The following MAST4 variants were observed in gnomAD, a reference collection of about 807,000 sequenced individuals.
The protein encoded by MAST4 is microtubule associated serine/threonine kinase family member 4, also known as microtubule-associated serine/threonine-protein kinase 4.
MAST4 carries 89 observed loss-of-function variants against 162.7 expected under a neutral mutation model. The observed-to-expected ratio is 0.55, with a 90% CI of 0.46 to 0.65. MAST4 has a LOEUF of 0.65. Among genes scored for constraint, MAST4 ranks in the 30% least tolerant of loss-of-function variants. The probability of loss-of-function intolerance (pLI) is 0.00; values close to 1 mark genes in which losing one functional copy is unlikely to be tolerated. For missense variants in MAST4, 3,153 were observed against 3,374.0 expected, an observed-to-expected ratio of 0.93 and a Z score of 1.62; for synonymous variants, 1,479 against 1,361.1, an observed-to-expected ratio of 1.09 and a Z score of -1.91.
chr5:66,670,335 C>T (rs1747529058), intron 1 of MAST4, among the ~76,000 whole-genome samples: 1 of 152,044 alleles, frequency 6.6e-6, no homozygotes, highest in Non-Finnish European at 1.5e-5. Flanking sequence ...TTTTAAGAAA[C>T]ATATAATTAA....
intron 1 of MAST4, among the ~76,000 whole-genome samples, chr5:66,713,444 T>C (rs1164111498): frequency 6.6e-6 from 1 of 152,214 alleles, no homozygotes; most frequent in Non-Finnish European, 1.5e-5. Flanking sequence ...GAGCATGAGC[T>C]CTATAATTAC....
At chr5:66,851,942 T>C (rs1006418938) in intron 3 of MAST4, among the ~76,000 whole-genome samples, 4 of 152,226 alleles carry the variant, frequency 2.6e-5, no homozygotes, top group Admixed American at 1.3e-4. Context: ...CTGGCGAGGT[T>C]ATCTGACATT....
chr5:66,838,178 G>A (rs1758162622), intron 3 of MAST4, among the ~76,000 whole-genome samples: 1 of 151,840 alleles, frequency 6.6e-6, no homozygotes, highest in Non-Finnish European at 1.5e-5. Flanking sequence ...CACCTCCAGG[G>A]CATGATGAGA....
At chr5:67,020,311 G>T (rs1753813373) in intron 4 of MAST4, among the ~76,000 whole-genome samples, 1 of 152,182 alleles carries the variant, frequency 6.6e-6, no homozygotes, top group Non-Finnish European at 1.5e-5. Context: ...TGTCAATGAG[G>T]TTGTTTTACA....
chr5:67,054,562 A>G lies in MAST4; in HGVS notation c.763+70A>G, dbSNP rs1040957474. ...GTTGGTTTTTTAAAATAATTAATGC[A>G]TTTTGATATTTGGTATGTCTTCACA... On this transcript the variant is annotated intron_variant, in intron 5 of 28. Coordinates refer to ENST00000403625, the MANE Select transcript of MAST4 (RefSeq NM_001164664.2). The G allele has an allele frequency of 6.7e-6, 9 of 1,334,592 alleles. No homozygotes were observed. The Admixed American group carries it at 1.9e-4, about 28-fold the overall frequency. The allele number at this position is 1,334,592 out of a possible 1,614,324, so 82.7% of individuals were successfully genotyped here.
chr5:66,868,392 C>G (rs1216619817), intron 3 of MAST4, among the ~76,000 whole-genome samples: 2 of 150,702 alleles, frequency 1.3e-5, no homozygotes, highest in Non-Finnish European at 2.9e-5. Flanking sequence ...TGTCACCAAA[C>G]TAACATATAT....
At chr5:66,899,136 T>C (rs1762856710) in intron 3 of MAST4, among the ~76,000 whole-genome samples, 1 of 152,250 alleles carries the variant, frequency 6.6e-6, no homozygotes, top group African/African-American at 2.4e-5. Flanking sequence ...CTTTAATAAT[T>C]GACAGCAAGT....
chr5:66,842,819 C>A (rs1030152789), intron 3 of MAST4, among the ~76,000 whole-genome samples: 3 of 152,076 alleles, frequency 2.0e-5, no homozygotes, highest in African/African-American at 7.2e-5. Flanking sequence ...ACATTCAGTT[C>A]TTTGTTTTTT....
chr5:66,666,338 T>C (rs1296809064), intron 1 of MAST4, among the ~76,000 whole-genome samples: 2 of 152,246 alleles, frequency 1.3e-5, no homozygotes, highest in South Asian at 2.1e-4. Context: ...TCCAGTCAGC[T>C]AGAAGTGTAC....
chr5:67,106,604 G>T (rs576455985), intron 10 of MAST4, among the ~76,000 whole-genome samples: 2 of 152,026 alleles, frequency 1.3e-5, no homozygotes, highest in Non-Finnish European at 2.9e-5. Context: ...TCACCTATCT[G>T]CCTCCCTCCA....
rs1156873191 is a variant in MAST4 at position 66,958,984 on chromosome 5, A to T, written c.674+59002A>T. 11 of 419,716 alleles carry T rather than the reference A, an allele frequency of 2.6e-5. No individual in the cohort carries two copies. In the East Asian group the frequency reaches 3.3e-4, roughly 13 times the overall value. 26.0% of individuals were successfully genotyped at this position (419,716 alleles called of 1,614,324 possible). A position where few individuals can be genotyped will look rare whatever the true frequency, so the allele number is the denominator to read the frequency against. On this transcript the variant is annotated intron_variant, in intron 4 of 28. Coordinates refer to ENST00000403625, the MANE Select transcript of MAST4 (RefSeq NM_001164664.2). Reference sequence around the variant, plus strand: ...AAAAAAAAAAAAAAAATCAGAAACCAATTACTTGATATGCAGAGCTGCAAG... The same window carrying T: ...AAAAAAAAAAAAAAAATCAGAAACCTATTACTTGATATGCAGAGCTGCAAG...
intron 1 of MAST4, among the ~76,000 whole-genome samples, chr5:66,627,694 A>G (rs1014537808): frequency 6.6e-6 from 1 of 151,760 alleles, no homozygotes; most frequent in African/African-American, 2.4e-5. Flanking sequence ...TAAAGAAAAA[A>G]CTTCTAGCAA....
At chr5:66,678,271 G>A (rs1748088644) in intron 1 of MAST4, among the ~76,000 whole-genome samples, 1 of 151,698 alleles carries the variant, frequency 6.6e-6, no homozygotes, top group African/African-American at 2.4e-5. Context: ...TGTATGGGGG[G>A]AATGGGGAGA....
At chr5:66,687,231 C>T (rs1748718400) in intron 1 of MAST4, among the ~76,000 whole-genome samples, 1 of 152,166 alleles carries the variant, frequency 6.6e-6, no homozygotes, top group Admixed American at 6.5e-5. Flanking sequence ...TCACCCCCTT[C>T]TTTTCCCTCA....
intron 4 of MAST4, among the ~76,000 whole-genome samples, chr5:66,933,410 C>A (rs115185772): frequency 0.042 from 6,417 of 152,154 alleles, 209 homozygotes; most frequent in Middle Eastern, 0.068. Flanking sequence ...TTTTTGGTCC[C>A]AACTTATTTT....
intron 3 of MAST4, among the ~76,000 whole-genome samples, chr5:66,849,731 A>G (rs1448998923): frequency 6.6e-6 from 1 of 152,198 alleles, no homozygotes. Context: ...TACATCCCCA[A>G]TACATGGTCA....
intron 4 of MAST4, among the ~76,000 whole-genome samples, chr5:67,015,580 T>C (rs1332405831): frequency 6.6e-6 from 1 of 152,256 alleles, no homozygotes; most frequent in Non-Finnish European, 1.5e-5. Flanking sequence ...ACTGAATTTC[T>C]TAAGATTATC....
intron 3 of MAST4, among the ~76,000 whole-genome samples, chr5:66,848,455 GT>G (rs918080226): frequency 6.6e-6 from 1 of 151,462 alleles, no homozygotes; most frequent in Non-Finnish European, 1.5e-5. Context: ...TGTTTTTTTT[GT>G]TTGTTTGTTT....
intron 3 of MAST4, among the ~76,000 whole-genome samples, chr5:66,821,126 G>A (rs1308305317): frequency 1.3e-5 from 2 of 152,218 alleles, no homozygotes; most frequent in Non-Finnish European, 2.9e-5. Flanking sequence ...TTTAGAAAAT[G>A]CTACTCTGGA....
Sources: allele counts gnomAD v4.1 joint callset (sites outside exome capture counted in the v4.1 genomes callset), GRCh38; gene constraint gnomAD v4.1.1; transcripts MANE v1.5; gene names NCBI Gene and HGNC (gene_info 2026-07-23, HGNC 2026-07-21).